TMEM134: variants seen among roughly 807,000 people sequenced by gnomAD.
TMEM134 encodes transmembrane protein 134.
In TMEM134, 36 loss-of-function variants were observed where a neutral mutation model predicts 26.2. The observed-to-expected ratio is 1.37, with a 90% CI of 1.05 to 1.81. The LOEUF is 1.81. TMEM134 is among the 40% of genes most tolerant of loss of function. TMEM134 has a pLI of 0.00. For missense variants in TMEM134, 339 were observed against 263.5 expected (o/e 1.29, Z -1.98); for synonymous variants, 133 against 113.6 (o/e 1.17, Z -1.08).
In TMEM134 at chr11:67,464,507, GC is replaced by G; in HGVS notation, c.*106del. On this transcript the variant is annotated 3_prime_UTR_variant, in exon 7 of 7. Coordinates refer to ENST00000308022, the MANE Select transcript of TMEM134 (RefSeq NM_025124.4). The stretch of plus-strand genomic sequence containing the variant: ...AACTTCCTGAGCAAACTCCCTAGGG[GC>G]TGGGGTTTCGAGGGTCCTGGAGGGC... The G allele has an allele frequency of 8.3e-7, 1 of 1,202,772 alleles. No homozygotes were observed. Among genetic ancestry groups the G allele is most frequent in the South Asian group, 1.3e-5 (1 of 75,902 alleles). 74.5% of individuals were successfully genotyped at this position (1,202,772 alleles called of 1,614,324 possible).
Position 67,464,523 on chromosome 11 carries a change from T to A in TMEM134, c.*91A>T. 7.3e-7 allele frequency: 1 copy of A among 1,360,988 alleles called. No individual in the cohort carries two copies. Among genetic ancestry groups the A allele is most frequent in the South Asian group, 1.2e-5 (1 of 80,102 alleles). 84.3% of individuals were successfully genotyped at this position (1,360,988 alleles called of 1,614,324 possible). A position where few individuals can be genotyped will look rare whatever the true frequency, so the allele number is the denominator to read the frequency against. On this transcript the variant is annotated 3_prime_UTR_variant, in exon 7 of 7. Transcript: ENST00000308022. ...TCCCTAGGGGCTGGGGTTTCGAGGG[T>A]CCTGGAGGGCCTCTTCCCTTGAGAT... is the stretch of plus-strand genomic sequence containing the variant.
chr11:67,468,147 C>T (rs763569584), intron 1 of TMEM134, 55 bp from the exon 2 acceptor site: 36 of 1,499,618 alleles, frequency 2.4e-5, no homozygotes, highest in Middle Eastern at 3.4e-4. Flanking sequence ...CTTCCTCACT[C>T]CCTCCCGGGA....
chr11:67,467,714 C>T (rs1865362585), intron 2 of TMEM134, 124 bp from the exon 3 acceptor site: 7 of 915,958 alleles, frequency 7.6e-6, no homozygotes, highest in Non-Finnish European at 1.2e-5. Context: ...GGATAGTGGG[C>T]CCTGAGAGGC....
At position 67,463,067 on chromosome 11, in the gene TMEM134, G is replaced by T. The variant is rs970032251; in HGVS notation, c.*1547C>A. 1 of 152,272 alleles carries T rather than the reference G, an allele frequency of 6.6e-6. No homozygotes were observed. The highest frequency in any genetic ancestry group is 6.5e-5 in the Admixed American group (1 of 15,282). 9.4% of individuals were successfully genotyped at this position (152,272 alleles called of 1,614,324 possible). On this transcript the variant is annotated 3_prime_UTR_variant, in exon 7 of 7. Transcript: ENST00000308022. ...GGTCCTTTACCATAGCTAGTTGGGGGACCACTGGTTTAGGAGTTCCTGCAT... is the reference window on the plus strand; with the variant it reads ...GGTCCTTTACCATAGCTAGTTGGGGTACCACTGGTTTAGGAGTTCCTGCAT...
chr11:67,464,632 C>A lies in TMEM134; in HGVS notation c.570G>T (p.Leu190=). ...GCCGCGATCACTTCTCGAAGTAGGG[C>A]AGGTAGAAGAACTGGAAGCCCCGGT... ...KGHRGFQFFY[L]PYFEK The change falls in exon 7 of 7, where the codon CTG becomes CTT. Residue 190 remains leucine (L), a synonymous_variant. Coordinates refer to ENST00000308022, the MANE Select transcript of TMEM134 (RefSeq NM_025124.4). 2 of 1,552,936 alleles carry A rather than the reference C, an allele frequency of 1.3e-6. No homozygotes were observed. Among genetic ancestry groups the A allele is most frequent in the South Asian group, 2.4e-5 (2 of 84,166 alleles).
chr11:67,468,528 G>A (rs1865427813), intron 1 of TMEM134, among the ~76,000 whole-genome samples: 1 of 152,242 alleles, frequency 6.6e-6, no homozygotes, highest in Non-Finnish European at 1.5e-5. Flanking sequence ...GGGAGCCAAA[G>A]GGTGGGCAAG....
chr11:67,467,259 G>A (rs1353083618), intron 4 of TMEM134, 53 bp downstream of exon 4: 1 of 1,556,146 alleles, frequency 6.4e-7, no homozygotes, highest in Non-Finnish European at 8.8e-7. Flanking sequence ...TACAAAAGGA[G>A]GGCAGAGCCT....
chr11:67,468,967 C>T, intron 1 of TMEM134, 52 bp downstream of exon 1: 1 of 1,415,440 alleles, frequency 7.1e-7, no homozygotes, highest in Non-Finnish European at 9.2e-7. Context: ...GGGGCCCGGC[C>T]TGGGGTCCCG....
intron 2 of TMEM134, 68 bp downstream of exon 2, chr11:67,467,960 C>G (rs2134233920): frequency 7.0e-7 from 1 of 1,431,668 alleles, no homozygotes; most frequent in African/African-American, 1.4e-5. Flanking sequence ...GGGTGGGTGA[C>G]TGAGCAGGGT....
rs929566597 is a variant in TMEM134 at position 67,464,804 on chromosome 11, T to G, written c.504A>C (p.Gly168=). 2 of 1,602,720 alleles carry G rather than the reference T, an allele frequency of 1.2e-6. No homozygotes were observed. Among genetic ancestry groups the G allele is most frequent in the South Asian group, 1.1e-5 (1 of 90,354 alleles). The change falls in exon 6 of 7, where the codon GGA becomes GGC. Residue 168 remains glycine (G), a splice_region_variant and synonymous_variant. Transcript: ENST00000308022. ...TTCCGCCCCGGTGCCCGCTCGCACC[T>G]CCAGGCACCAACAACAGGAAGCCCG... ...FVPGFLLLVP[G]VYHVIFIYCA...
At chr11:67,465,138 C>T (rs752072992) in intron 4 of TMEM134, 38 bp from the exon 5 acceptor site, 9 of 1,551,546 alleles carry the variant, frequency 5.8e-6, no homozygotes, top group Admixed American at 5.8e-5. Context: ...GGGGCAGGAG[C>T]AGTGGTGAGG....
In TMEM134 at chr11:67,467,302, G is replaced by A. The variant is rs772739153; in HGVS notation, c.406+10C>T. On this transcript the variant is annotated intron_variant, in intron 4 of 6. Transcript: ENST00000308022. ...GGCCCCTCTTGACCCCAACCCTCAG[G>A]GCCACTCACCCAGCCCCAGCAGCAG... 2 of 1,613,376 alleles carry A rather than the reference G, an allele frequency of 1.2e-6. No individual in the cohort carries two copies. Among genetic ancestry groups the A allele is most frequent in the Admixed American group, 1.7e-5 (1 of 60,004 alleles).
chr11:67,467,587 A>G lies in TMEM134; in HGVS notation c.243T>C (p.Asp81=). Residue 81 remains aspartate (D), a synonymous_variant, in exon 3 of 7, where the codon GAT becomes GAC. Coordinates refer to ENST00000308022, the MANE Select transcript of TMEM134 (RefSeq NM_025124.4). ...AGCTGCGGATGGAAGTTCGGCTGGA[A>G]TCCCTGCCAGGACAGGCGCCCAGTG... ...PEPDGGVGTR[D]SSRTSIRSSQ... is the part of the protein sequence containing the mutation. 6.2e-7 allele frequency: 1 copy of G among 1,613,926 alleles called. No individual in the cohort carries two copies. The highest frequency in any genetic ancestry group is 8.5e-7 in the Non-Finnish European group (1 of 1,180,010).
chr11:67,466,611 G>A (rs1208077071), intron 4 of TMEM134: 1 of 153,470 alleles, frequency 6.5e-6, no homozygotes, highest in East Asian at 1.9e-4. Context: ...GGGGAGCCTT[G>A]GCCTTCCTGG....
At chr11:67,467,922 G>T (rs1357956753) in intron 2 of TMEM134, 106 bp downstream of exon 2, 1 of 1,077,560 alleles carries the variant, frequency 9.3e-7, no homozygotes. Flanking sequence ...GAATCAATAG[G>T]ACGGGATGGA....
rs1414940347 is a variant in TMEM134, at chr11:67,463,470, T to C, written c.*1144A>G. On this transcript the variant is annotated 3_prime_UTR_variant, in exon 7 of 7. Coordinates refer to ENST00000308022, the MANE Select transcript of TMEM134 (RefSeq NM_025124.4). ...GGCTGTCCTTGGGTGAGTCAGTCCT[T>C]ATCTGTAAAATGGGACGGAGGTAGT... 2 of 152,248 alleles carry C rather than the reference T, an allele frequency of 1.3e-5. No individual in the cohort carries two copies. The highest frequency in any genetic ancestry group is 2.9e-5 in the Non-Finnish European group (2 of 68,070). 9.4% of individuals were successfully genotyped at this position (152,248 alleles called of 1,614,324 possible).
chr11:67,466,963 G>A (rs1865292164), intron 4 of TMEM134: 3 of 305,658 alleles, frequency 9.8e-6, no homozygotes, highest in Non-Finnish European at 1.8e-5. Flanking sequence ...TCTGTAAGAT[G>A]GGAAAATAAA....
At chr11:67,467,988 G>A in intron 2 of TMEM134, 40 bp downstream of exon 2, 1 of 1,542,150 alleles carries the variant, frequency 6.5e-7, no homozygotes, top group Non-Finnish European at 8.8e-7. Context: ...GATAGGAGCT[G>A]GGGCTGGGGT....
In TMEM134 at chr11:67,467,533, G is replaced by A. The variant is rs1272985110; in HGVS notation, c.297C>T (p.Ser99=). Residue 99 remains serine (S), a synonymous_variant, in exon 3 of 7, where the codon AGC becomes AGT. Coordinates refer to ENST00000308022, the MANE Select transcript of TMEM134 (RefSeq NM_025124.4). The part of the protein sequence containing the change: ...SSQWSFSTIS[S]STQRSYNTCC... ...AGGTGTTGTAGGAGCGCTGGGTGCT[G>A]CTGCTGATGGTGCTGAAGGACCACT... 1 of 1,614,084 alleles carries A rather than the reference G, an allele frequency of 6.2e-7. No individual in the cohort carries two copies. Among genetic ancestry groups the A allele is most frequent in the Non-Finnish European group, 8.5e-7 (1 of 1,180,024 alleles).
Sources: allele counts gnomAD v4.1 joint callset (sites outside exome capture counted in the v4.1 genomes callset), GRCh38; gene constraint gnomAD v4.1.1; transcripts MANE v1.5; gene names NCBI Gene and HGNC (gene_info 2026-07-23, HGNC 2026-07-21).